Variants in CCNY observed in about 807,000 individuals in gnomAD.
CCNY encodes the protein cyclin Y.
Under a neutral mutation model 42.8 loss-of-function variants are expected in CCNY, and 19 were observed. That is an observed-to-expected ratio of 0.44 (90% confidence interval 0.31 to 0.65). The LOEUF is 0.65. Ranked by LOEUF, CCNY falls within the 30% of genes least tolerant of loss-of-function variation. CCNY has a pLI of 0.07. For missense variants in CCNY, 370 were observed against 437.3 expected (o/e 0.85, Z 1.37); for synonymous variants, 165 against 162.7 (o/e 1.01, Z -0.11).
rs946074191 is a variant in CCNY at position 35,336,947 on chromosome 10, G to A, written c.-107G>A. ...CGCCCCCTCCCGTGGCGGCGAGCGG[G>A]CGGGCCTCCCCACACGCCCCCGCCG... On this transcript the variant is annotated 5_prime_UTR_variant, in exon 1 of 10. Transcript: ENST00000374704. 4.9e-4 allele frequency: 407 copies of A among 836,316 alleles called. 2 individuals carry two copies. Among genetic ancestry groups the A allele is most frequent in the Non-Finnish European group, 6.0e-4 (394 of 655,106 alleles). 51.8% of individuals were successfully genotyped at this position (836,316 alleles called of 1,614,324 possible).
At chr10:35,324,387 A>G (rs1364615975) in intron 3 of CCNY, among the ~76,000 whole-genome samples, 1 of 152,204 alleles carries the variant, frequency 6.6e-6, no homozygotes, top group Non-Finnish European at 1.5e-5. Context: ...CTGAATACCT[A>G]TAACATTTTT....
At chr10:35,483,694 A>G (rs1435094581) in intron 2 of CCNY, among the ~76,000 whole-genome samples, 2 of 152,126 alleles carry the variant, frequency 1.3e-5, no homozygotes, top group South Asian at 2.1e-4. Flanking sequence ...TCATTTTGTC[A>G]ATCAGCTATA....
At chr10:35,435,995 G>A (rs528673623) in intron 1 of CCNY, among the ~76,000 whole-genome samples, 3 of 152,168 alleles carry the variant, frequency 2.0e-5, no homozygotes, top group Non-Finnish European at 4.4e-5. Flanking sequence ...AAGGAAGGAA[G>A]TTCGGTTATG....
intron 1 of CCNY, among the ~76,000 whole-genome samples, chr10:35,481,396 A>G (rs947921573): frequency 7.9e-5 from 12 of 152,216 alleles, no homozygotes; most frequent in African/African-American, 2.2e-4. Flanking sequence ...CAGGATCTCA[A>G]TTCTCCAAGA....
At position 35,457,028 on chromosome 10, in the gene CCNY, G is replaced by A. The variant is rs966967577; in HGVS notation, c.155-26376G>A. Among the ~76,000 whole-genome samples the A allele has an allele frequency of 5.3e-5, 8 of 151,944 alleles. No individual in the cohort carries two copies. The East Asian group carries it at 7.7e-4, about 15-fold the overall frequency. ...GCTCTTTATTCTCCTCTGAAAATGC[G>A]GGGGGGAAACTACCTTAGTATTCAC... On this transcript the variant is annotated intron_variant, in intron 1 of 9. Transcript: ENST00000374704.
At chr10:35,466,639 TA>T in intron 1 of CCNY, among the ~76,000 whole-genome samples, 1 of 152,224 alleles carries the variant, frequency 6.6e-6, no homozygotes, top group Non-Finnish European at 1.5e-5. Flanking sequence ...GGACTTTCCG[TA>T]ACCCTCTTTA....
intron 3 of CCNY, among the ~76,000 whole-genome samples, chr10:35,264,865 G>A (rs1231116402): frequency 1.3e-5 from 2 of 152,128 alleles, no homozygotes; most frequent in Admixed American, 6.6e-5. Flanking sequence ...CTGACCTCAG[G>A]TGATCCACCC....
In CCNY at chr10:35,307,666, G is replaced by GTA. The variant is rs199519538; in HGVS notation, c.-9+57053_-9+57054dup. 8.4e-3 allele frequency among the ~76,000 whole-genome samples: 1,185 copies of GTA among 141,126 alleles called. 12 individuals carry two copies. The highest frequency in any genetic ancestry group is 0.025 in the African/African-American group (945 of 38,204). The allele number at this position is 141,126 out of a possible 152,430, so 92.6% of individuals were successfully genotyped here. On this transcript the variant is annotated intron_variant, in intron 3 of 11. Coordinates refer to the CCNY transcript ENST00000374706. ...CAACAACCCCGAAATAAGGTTATAT[G>GTA]TATATATATATATACGTGTATATCT...
At chr10:35,363,331 C>G (rs1440372029) in intron 1 of CCNY, among the ~76,000 whole-genome samples, 1 of 151,776 alleles carries the variant, frequency 6.6e-6, no homozygotes, top group African/African-American at 2.4e-5. Flanking sequence ...AGGCGCTCCT[C>G]TCTTCCCAGA....
intron 3 of CCNY, among the ~76,000 whole-genome samples, chr10:35,323,890 C>T (rs1311783363): frequency 4.0e-5 from 6 of 151,802 alleles, no homozygotes; most frequent in Non-Finnish European, 7.4e-5. Context: ...ATGGTGGGCA[C>T]GTGCCTGTAG....
chr10:35,344,544 T>A (rs1389749884), intron 1 of CCNY, among the ~76,000 whole-genome samples: 5 of 151,888 alleles, frequency 3.3e-5, no homozygotes, highest in South Asian at 2.1e-4. Flanking sequence ...ACAAAAAAAA[T>A]TTTTTTTTCA....
intron 1 of CCNY, among the ~76,000 whole-genome samples, chr10:35,481,487 A>G (rs1295739287): frequency 1.3e-5 from 2 of 152,156 alleles, no homozygotes; most frequent in Non-Finnish European, 2.9e-5. Flanking sequence ...ACCTCTACTG[A>G]TGTATTTTAG....
In CCNY at chr10:35,507,064, A is replaced by G. The variant is rs577204605; in HGVS notation, c.264+5529A>G. 2.6e-5 allele frequency among the ~76,000 whole-genome samples: 4 copies of G among 152,178 alleles called. No individual in the cohort carries two copies. In the South Asian group the frequency reaches 8.3e-4, roughly 32 times the overall value. ...CACTGTGCATTCTACTTGTCACTTC[A>G]TTGCTCTCCTAACCTCCTCAGTTTT... is the stretch of plus-strand genomic sequence containing the variant. On this transcript the variant is annotated intron_variant, in intron 3 of 9. Coordinates refer to ENST00000374704, the MANE Select transcript of CCNY (RefSeq NM_145012.6).
At chr10:35,421,297 G>A (rs1484955010) in intron 1 of CCNY, among the ~76,000 whole-genome samples, 2 of 152,120 alleles carry the variant, frequency 1.3e-5, no homozygotes, top group African/African-American at 2.4e-5. Context: ...ATGAGCTCCC[G>A]TCTCTGTGCT....
chr10:35,287,383 C>G (rs1835365818), intron 3 of CCNY, among the ~76,000 whole-genome samples: 1 of 152,250 alleles, frequency 6.6e-6, no homozygotes, highest in Non-Finnish European at 1.5e-5. Flanking sequence ...TTTAAGCATA[C>G]AGTAAAATAA....
chr10:35,395,014 G>A (rs1395510491), intron 1 of CCNY: 1 of 191,396 alleles, frequency 5.2e-6, no homozygotes, highest in African/African-American at 2.5e-5. Context: ...AAAATTTGGA[G>A]TTGAAGAAGA....
intron 4 of CCNY, among the ~76,000 whole-genome samples, chr10:35,517,296 T>C (rs1442297058): frequency 6.6e-6 from 1 of 152,218 alleles, no homozygotes; most frequent in Non-Finnish European, 1.5e-5. Context: ...CACTGGTTTT[T>C]CCTTTATTGT....
chr10:35,435,098 CAT>C (rs2135285873), intron 1 of CCNY, among the ~76,000 whole-genome samples: 1 of 152,298 alleles, frequency 6.6e-6, no homozygotes, highest in East Asian at 1.9e-4. Context: ...GAGGCATCAA[CAT>C]GTGGATTTCA....
intron 3 of CCNY, among the ~76,000 whole-genome samples, chr10:35,294,726 G>C (rs1835450634): frequency 6.6e-6 from 1 of 152,088 alleles, no homozygotes; most frequent in African/African-American, 2.4e-5. Context: ...ATTCTTGTTG[G>C]GGTTTAGTAT....
Sources: gnomAD v4.1 joint callset for allele counts (sites outside exome capture counted in the v4.1 genomes callset) on GRCh38, gnomAD v4.1.1 for gene constraint, MANE v1.5 for transcripts, NCBI Gene and HGNC (gene_info 2026-07-23, HGNC 2026-07-21) for gene names.